Variants in SLC23A2 observed in about 807,000 individuals in gnomAD.
SLC23A2 encodes the protein solute carrier family 23 member 2.
SLC23A2 carries 36 observed loss-of-function variants against 73.3 expected under a neutral mutation model. That is an observed-to-expected ratio of 0.49 (90% CI 0.38 to 0.65). The LOEUF is 0.65. SLC23A2 is among the 30% of genes least tolerant of loss of function. The pLI is 0.00. For missense variants in SLC23A2, 507 were observed against 841.6 expected (o/e 0.60, Z 4.92); for synonymous variants, 343 against 327.3 (o/e 1.05, Z -0.52).
At chr20:4,957,844 T>C (rs1600172533) in intron 2 of SLC23A2, among the ~76,000 whole-genome samples, 1 of 147,406 alleles carries the variant, frequency 6.8e-6, no homozygotes, top group East Asian at 2.0e-4. Flanking sequence ...GAAGTTGCAG[T>C]GAGCCAAGAT....
At chr20:4,873,742 G>C in intron 11 of SLC23A2, 194 bp downstream of exon 11, 1 of 495,902 alleles carries the variant, frequency 2.0e-6, no homozygotes, top group Admixed American at 3.8e-5. Flanking sequence ...GAAGGGAGCC[G>C]GTCAGTCTCT....
At chr20:4,984,787 C>T (rs971898402) in intron 1 of SLC23A2, among the ~76,000 whole-genome samples, 2 of 152,044 alleles carry the variant, frequency 1.3e-5, no homozygotes, top group African/African-American at 4.8e-5. Flanking sequence ...AATTGGAACC[C>T]TCATATAATT....
At chr20:4,942,374 C>CAAAA (rs1216270773) in intron 2 of SLC23A2, among the ~76,000 whole-genome samples, 6 of 47,368 alleles carry the variant, frequency 1.3e-4, no homozygotes, top group African/African-American at 3.4e-4. Context: ...GCTACAGTCT[C>CAAAA]AAAAAAAAAA....
chr20:4,967,284 TGA>T (rs1319076569), intron 2 of SLC23A2, among the ~76,000 whole-genome samples: 1 of 152,220 alleles, frequency 6.6e-6, no homozygotes, highest in Non-Finnish European at 1.5e-5. Flanking sequence ...AATTTATTGA[TGA>T]GTTTTTTTTT....
chr20:4,893,120 A>C (rs1387640641), intron 6 of SLC23A2, among the ~76,000 whole-genome samples: 2 of 151,618 alleles, frequency 1.3e-5, no homozygotes, highest in East Asian at 3.9e-4. Flanking sequence ...GCTGGAATGC[A>C]GTGGCGTGAT....
chr20:4,958,517 A>T (rs1009047539), intron 2 of SLC23A2, among the ~76,000 whole-genome samples: 4 of 152,152 alleles, frequency 2.6e-5, no homozygotes, highest in Non-Finnish European at 4.4e-5. Flanking sequence ...AACAAAATAC[A>T]TTTATCTAAT....
At chr20:4,885,047 C>G (rs1452533770) in intron 7 of SLC23A2, among the ~76,000 whole-genome samples, 1 of 152,182 alleles carries the variant, frequency 6.6e-6, no homozygotes, top group Non-Finnish European at 1.5e-5. Context: ...CCCAAATTGT[C>G]AAAAGCTAAC....
At position 4,892,260 on chromosome 20, in the gene SLC23A2, C is replaced by T. The variant is rs561945482; in HGVS notation, c.483-6351G>A. Among the ~76,000 whole-genome samples, 4 of 152,142 alleles carry T rather than the reference C, an allele frequency of 2.6e-5. No individual in the cohort carries two copies. The East Asian group carries it at 7.8e-4, about 30-fold the overall frequency. Reference sequence around the variant, plus strand: ...CTCACTGGTCTACCTTATCTCGGCTCACTGCAACCTCTGCCTCTCGGGTTC... The same window carrying T: ...CTCACTGGTCTACCTTATCTCGGCTTACTGCAACCTCTGCCTCTCGGGTTC... On this transcript the variant is annotated intron_variant, in intron 6 of 16. Transcript: ENST00000338244.
At chr20:4,924,372 C>T (rs1461608885) in intron 3 of SLC23A2, among the ~76,000 whole-genome samples, 1 of 152,156 alleles carries the variant, frequency 6.6e-6, no homozygotes, top group East Asian at 1.9e-4. Flanking sequence ...GACTTGCCCC[C>T]ACCCTCATCC....
rs562035330 is a variant in SLC23A2 at position 5,006,983 on chromosome 20, G to A, written c.-282+3199C>T. ...TGTGTGTGTGTGTGTGTGTGCGTGCGTGCGTGTTCAATGATGTGCATTGAA... is the reference window on the plus strand; with the variant it reads ...TGTGTGTGTGTGTGTGTGTGCGTGCATGCGTGTTCAATGATGTGCATTGAA... On this transcript the variant is annotated intron_variant, in intron 1 of 16. Transcript: ENST00000379333. 6.9e-3 allele frequency among the ~76,000 whole-genome samples: 1,042 copies of A among 151,996 alleles called. 58 individuals are homozygous for A. The South Asian group carries it at 0.15, about 22-fold the overall frequency.
intron 3 of SLC23A2, among the ~76,000 whole-genome samples, chr20:4,929,156 C>T (rs1932757328): frequency 6.6e-6 from 1 of 151,854 alleles, no homozygotes; most frequent in African/African-American, 2.4e-5. Context: ...GTCCTAACTA[C>T]TCAGGAGGCT....
rs549686169 is a variant in SLC23A2 at position 4,855,386 on chromosome 20, C to T, written c.*1586G>A. The T allele has an allele frequency of 6.6e-6, 1 of 152,394 alleles. No individual in the cohort carries two copies. Among genetic ancestry groups the T allele is most frequent in the South Asian group, 2.1e-4 (1 of 4,816 alleles). The allele number at this position is 152,394 out of a possible 1,614,324, so 9.4% of individuals were successfully genotyped here. A position where few individuals can be genotyped will look rare whatever the true frequency, so the allele number is the denominator to read the frequency against. On this transcript the variant is annotated 3_prime_UTR_variant, in exon 17 of 17. Transcript: ENST00000338244. ...ACCCACGCAGCTGACCAAAGCTCGA[C>T]CAGGCCAACGGCCACCGAAGATGTG...
chr20:4,929,280 A>G (rs973653996), intron 3 of SLC23A2, among the ~76,000 whole-genome samples: 1 of 151,364 alleles, frequency 6.6e-6, no homozygotes, highest in Admixed American at 6.6e-5. Context: ...AAAAAAGAAA[A>G]GAAAAAGAAA....
chr20:4,862,857 C>T lies in SLC23A2; in HGVS notation c.1407G>A (p.Leu469=). ...IQCGAALMLA[L]GMIGKFSALF... The stretch of plus-strand genomic sequence containing the variant: ...GGGCGCTGAACTTCCCGATCATGCC[C>T]AGAGCGAGCATGAGGGCTGCTCCGC... Residue 469 remains leucine, a synonymous_variant, in exon 14 of 17, where the codon CTG becomes CTA. Coordinates refer to ENST00000338244, the MANE Select transcript of SLC23A2 (RefSeq NM_005116.6). This position sits in a 1 kb window ranked among gnomAD's most constrained non-coding sequence, Gnocchi z 5.1. 1 of 1,613,978 alleles carries T rather than the reference C, an allele frequency of 6.2e-7. No individual in the cohort carries two copies. Among genetic ancestry groups the T allele is most frequent in the South Asian group, 1.1e-5 (1 of 91,082 alleles).
chr20:5,001,827 C>T (rs1275456012), upstream of SLC23A2, among the ~76,000 whole-genome samples: 1 of 151,994 alleles, frequency 6.6e-6, no homozygotes, highest in African/African-American at 2.4e-5. Context: ...GTCCAGGTCC[C>T]CCCTTTTTAC....
At chr20:4,858,940 C>A (rs955688993) in intron 16 of SLC23A2, among the ~76,000 whole-genome samples, 4 of 152,146 alleles carry the variant, frequency 2.6e-5, no homozygotes, top group Admixed American at 2.6e-4. Context: ...CCACCTCTCT[C>A]AGATCAGATG....
chr20:4,968,074 G>A (rs2087502259), intron 2 of SLC23A2, among the ~76,000 whole-genome samples: 1 of 152,192 alleles, frequency 6.6e-6, no homozygotes, highest in African/African-American at 2.4e-5. Flanking sequence ...AGGAGATGGA[G>A]ATACATTATG....
intron 1 of SLC23A2, among the ~76,000 whole-genome samples, chr20:4,989,871 AC>A (rs2087897681): frequency 6.6e-6 from 1 of 152,116 alleles, no homozygotes; most frequent in Admixed American, 6.6e-5. Flanking sequence ...AATAAGAACA[AC>A]AGAGTTTGGT....
intron 12 of SLC23A2, among the ~76,000 whole-genome samples, chr20:4,869,405 TA>T (rs199826860): frequency 0.019 from 2,291 of 118,694 alleles, 45 homozygotes; most frequent in African/African-American, 0.055. Flanking sequence ...TCAGTTTGTG[TA>T]AAAAAAAAAA....
Sources: gnomAD v4.1 joint callset for allele counts (sites outside exome capture counted in the v4.1 genomes callset) on GRCh38, gnomAD v4.1.1 for gene constraint, Gnocchi (gnomAD v3.1) non-coding constraint, MANE v1.5 for transcripts, NCBI Gene and HGNC (gene_info 2026-07-23, HGNC 2026-07-21) for gene names.